Variants in PKHD1L1 observed in about 807,000 individuals in gnomAD.
The protein encoded by PKHD1L1 is fibrocystin-L.
A neutral mutation model predicts 462.9 loss-of-function variants in PKHD1L1; 434 were observed. That is an observed-to-expected ratio of 0.94 (90% CI 0.87 to 1.02). The LOEUF is 1.02. PKHD1L1 is among the 50% of genes least tolerant of loss of function. The pLI is 0.00. For synonymous variants in PKHD1L1, 1,781 were observed against 1,750.0 expected, an observed-to-expected ratio of 1.02 and a Z score of -0.44; for missense variants, 5,202 against 5,096.1, an observed-to-expected ratio of 1.02 and a Z score of -0.63.
At chr8:109,399,123 G>A (rs192593052) in intron 12 of PKHD1L1, among the ~76,000 whole-genome samples, 43 of 152,064 alleles carry the variant, frequency 2.8e-4, no homozygotes, top group Admixed American at 1.5e-3. Context: ...GTTTATAATC[G>A]TGTCATTGTT....
At chr8:109,373,255 T>C (rs915766922) in intron 2 of PKHD1L1, among the ~76,000 whole-genome samples, 1 of 152,200 alleles carries the variant, frequency 6.6e-6, no homozygotes, top group Non-Finnish European at 1.5e-5. Context: ...GTCGAGGAAT[T>C]TATCCATTTC....
chr8:109,443,209 G>A, intron 36 of PKHD1L1, 93 bp downstream of exon 36: 2 of 1,236,178 alleles, frequency 1.6e-6, no homozygotes, highest in Non-Finnish European at 2.3e-6. Flanking sequence ...GGGTCTAACT[G>A]TGCTTCTATC....
rs1287016765 is a variant in PKHD1L1 at position 109,536,289 on chromosome 8, A to T, written c.*6199A>T. On this transcript the variant is annotated 3_prime_UTR_variant, in exon 78 of 78. Coordinates refer to ENST00000378402, the MANE Select transcript of PKHD1L1 (RefSeq NM_177531.6). ...ATAAATCCGTAAAGCAGGAATTACT[A>T]ACCTAATTTTGCAGATGAGAAAACT... 6.6e-6 allele frequency among the ~76,000 whole-genome samples: 1 copy of T among 152,232 alleles called. No individual in the cohort carries two copies. The highest frequency in any genetic ancestry group is 2.4e-5 in the African/African-American group (1 of 41,468).
intron 39 of PKHD1L1, among the ~76,000 whole-genome samples, chr8:109,449,097 T>C (rs1167095974): frequency 1.3e-5 from 2 of 152,184 alleles, no homozygotes; most frequent in Non-Finnish European, 2.9e-5. Flanking sequence ...AAAATTTTAG[T>C]TCCTCGAAAT....
chr8:109,392,440 G>A (rs1305845475), intron 9 of PKHD1L1, among the ~76,000 whole-genome samples: 1 of 151,916 alleles, frequency 6.6e-6, no homozygotes, highest in Non-Finnish European at 1.5e-5. Context: ...TATAATATAA[G>A]CAAAAATACT....
Position 109,497,287 on chromosome 8 carries a change from C to T in PKHD1L1, c.10599+15C>T, listed in dbSNP as rs769574234. The stretch of plus-strand genomic sequence containing the variant: ...TACAAATTAAGGTAAGAAATTAATA[C>T]AGCCACACCATGGAGAAAAAAATAA... On this transcript the variant is annotated intron_variant, in intron 65 of 77. Transcript: ENST00000378402. 2 of 1,608,236 alleles carry T rather than the reference C, an allele frequency of 1.2e-6. No homozygotes were observed. Among genetic ancestry groups the T allele is most frequent in the Admixed American group, 1.7e-5 (1 of 59,108 alleles).
At position 109,371,212 on chromosome 8, in the gene PKHD1L1, G is replaced by A. The variant is rs549700295; in HGVS notation, c.163+6576G>A. Reference sequence around the variant, plus strand: ...ATCGCCATTCTAACTGGTGTGAGACGGTATCTCATTGTGGTTTTGATTTGC... The same window carrying A: ...ATCGCCATTCTAACTGGTGTGAGACAGTATCTCATTGTGGTTTTGATTTGC... On this transcript the variant is annotated intron_variant, in intron 2 of 77. Coordinates refer to ENST00000378402, the MANE Select transcript of PKHD1L1 (RefSeq NM_177531.6). 4.5e-4 allele frequency among the ~76,000 whole-genome samples: 69 copies of A among 152,268 alleles called. No homozygotes were observed. The South Asian group carries it at 0.014, about 30-fold the overall frequency.
At chr8:109,515,081 G>T in intron 71 of PKHD1L1, 89 bp from the exon 72 acceptor site, 1 of 1,061,666 alleles carries the variant, frequency 9.4e-7, no homozygotes, top group Non-Finnish European at 1.3e-6. Flanking sequence ...ATAGTTTGCA[G>T]AAAGTATACA....
chr8:109,467,206 C>T (rs915600170), intron 50 of PKHD1L1, among the ~76,000 whole-genome samples: 1 of 152,052 alleles, frequency 6.6e-6, no homozygotes, highest in African/African-American at 2.4e-5. Flanking sequence ...ACCTGGAACA[C>T]CAGATACGCT....
At chr8:109,513,650 A>C (rs1184020874) in intron 71 of PKHD1L1, among the ~76,000 whole-genome samples, 1 of 152,068 alleles carries the variant, frequency 6.6e-6, no homozygotes, top group East Asian at 1.9e-4. Flanking sequence ...CAGAGAAAGG[A>C]GTAAAGAAAG....
At chr8:109,385,658 T>C (rs1812403452) in intron 6 of PKHD1L1, 28 bp downstream of exon 6, 1 of 1,380,314 alleles carries the variant, frequency 7.2e-7, no homozygotes. Flanking sequence ...AAATATATTC[T>C]TATAACTCAT....
chr8:109,417,670 C>T (rs1554637457), intron 21 of PKHD1L1, among the ~76,000 whole-genome samples: 2 of 152,154 alleles, frequency 1.3e-5, no homozygotes, highest in Non-Finnish European at 2.9e-5. Flanking sequence ...CTGCCTCGGC[C>T]TCCTGAGTAG....
chr8:109,457,347 C>T (rs1816881619), intron 46 of PKHD1L1, among the ~76,000 whole-genome samples: 1 of 151,900 alleles, frequency 6.6e-6, no homozygotes, highest in South Asian at 2.1e-4. Flanking sequence ...TATATAATGG[C>T]AAAATTAAAA....
intron 67 of PKHD1L1, 83 bp from the exon 68 acceptor site, chr8:109,504,244 T>C (rs2130964354): frequency 3.6e-6 from 3 of 843,180 alleles, no homozygotes; most frequent in East Asian, 3.0e-5. Flanking sequence ...TGACAAAAGA[T>C]GTGTTTGGCA....
chr8:109,464,558 G>A lies in PKHD1L1; in HGVS notation c.7726G>A (p.Val2576Ile). ...GAACAATACCATACGACACAATGCTGTTGCTGGTGGCACTCACTTTGGCTT... is the reference window on the plus strand; with the variant it reads ...GAACAATACCATACGACACAATGCTATTGCTGGTGGCACTCACTTTGGCTT... ...NPNNTIRHNA[V>I]AGGTHFGFWY... Residue 2576 changes from valine to isoleucine, a missense_variant, in exon 49 of 78, where the codon GTT becomes ATT. Val to Ile is a conservative substitution (Grantham distance 29). Coordinates refer to ENST00000378402, the MANE Select transcript of PKHD1L1 (RefSeq NM_177531.6). 1.2e-6 allele frequency: 2 copies of A among 1,613,522 alleles called. No homozygotes were observed. The highest frequency in any genetic ancestry group is 1.3e-5 in the African/African-American group (1 of 75,002).
At chr8:109,487,359 T>G (rs1273943438) in intron 59 of PKHD1L1, among the ~76,000 whole-genome samples, 1 of 151,894 alleles carries the variant, frequency 6.6e-6, no homozygotes, top group Non-Finnish European at 1.5e-5. Flanking sequence ...TCAACAAATA[T>G]CAGACCTAAA....
intron 50 of PKHD1L1, chr8:109,470,946 G>C (rs748041167): frequency 1.2e-6 from 2 of 1,609,326 alleles, no homozygotes; most frequent in Non-Finnish European, 1.7e-6. Context: ...CTGAACAACA[G>C]TGGGGAGTTC....
rs1815549775 is a variant in PKHD1L1 at position 109,438,234 on chromosome 8, A to C, written c.3628-90A>C. The stretch of plus-strand genomic sequence containing the variant: ...GACTTTGAAGTAAAACATCTTCAGA[A>C]GTTTATTCTGAATAATCTATTTCTT... On this transcript the variant is annotated intron_variant, in intron 30 of 77. Coordinates refer to ENST00000378402, the MANE Select transcript of PKHD1L1 (RefSeq NM_177531.6). 5.1e-6 allele frequency: 5 copies of C among 982,480 alleles called. No homozygotes were observed. In the East Asian group the frequency reaches 1.2e-4, roughly 23 times the overall value. 60.9% of individuals were successfully genotyped at this position (982,480 alleles called of 1,614,324 possible).
intron 8 of PKHD1L1, among the ~76,000 whole-genome samples, chr8:109,389,982 A>G (rs1320956426): frequency 6.6e-6 from 1 of 150,986 alleles, no homozygotes; most frequent in Admixed American, 6.6e-5. Flanking sequence ...TTTTTTTTTT[A>G]AATAGCATTA....
Sources: allele counts gnomAD v4.1 joint callset (sites outside exome capture counted in the v4.1 genomes callset), GRCh38; gene constraint gnomAD v4.1.1; transcripts MANE v1.5; gene names NCBI Gene and HGNC (gene_info 2026-07-23, HGNC 2026-07-21).